Variants in HIVEP1 observed in about 807,000 individuals in gnomAD.
HIVEP1 encodes zinc finger protein 40.
Under a neutral mutation model 180.0 loss-of-function variants are expected in HIVEP1, and 36 were observed. That is an observed-to-expected ratio of 0.20 (90% CI 0.15 to 0.26). The LOEUF (loss-of-function observed/expected upper bound fraction) is 0.26, where lower values mean the gene tolerates loss of function less well. HIVEP1 is among the 10% of genes least tolerant of loss of function. The pLI, the probability that HIVEP1 is intolerant of heterozygous loss-of-function variation, is 1.00. For missense variants in HIVEP1, 3,143 were observed against 3,268.7 expected, an observed-to-expected ratio of 0.96 and a Z score of 0.94; for synonymous variants, 1,239 against 1,239.0, an observed-to-expected ratio of 1.00 and a Z score of 0.00.
intron 3 of HIVEP1, among the ~76,000 whole-genome samples, chr6:12,089,452 T>G (rs1396230504): frequency 6.6e-6 from 1 of 152,142 alleles, no homozygotes; most frequent in Non-Finnish European, 1.5e-5. Flanking sequence ...CATATTAATG[T>G]ATGACTGGTA....
intron 3 of HIVEP1, among the ~76,000 whole-genome samples, chr6:12,107,028 C>T (rs545892336): frequency 6.6e-6 from 1 of 152,294 alleles, no homozygotes; most frequent in East Asian, 1.9e-4. Flanking sequence ...GTTCAGGGAA[C>T]ATACTTTCTA....
chr6:12,118,138 TTTG>T (rs1775333958), intron 3 of HIVEP1, among the ~76,000 whole-genome samples: 1 of 19,162 alleles, frequency 5.2e-5, no homozygotes, highest in African/African-American at 6.3e-5. Context: ...GAGACCCCCT[TTTG>T]TTTTTTTTTT....
chr6:12,167,894 G>A (rs966680173), downstream of HIVEP1, among the ~76,000 whole-genome samples: 9 of 137,170 alleles, frequency 6.6e-5, no homozygotes, highest in African/African-American at 1.9e-4. Flanking sequence ...ATAGATGTGC[G>A]TATATAATAT....
At chr6:12,204,190 A>T in the HIVEP1 span, among the ~76,000 whole-genome samples, 2 of 152,332 alleles carry the variant, frequency 1.3e-5, no homozygotes, top group East Asian at 3.9e-4. Context: ...CCATGCAGAC[A>T]GTCAGATGGA....
At chr6:12,010,309 A>C (rs566631158), upstream of HIVEP1, among the ~76,000 whole-genome samples, 33 of 152,198 alleles carry the variant, frequency 2.2e-4, no homozygotes, top group African/African-American at 8.0e-4. Context: ...TAGTAGGCAT[A>C]TTTCTCCCTT....
intron 2 of HIVEP1, among the ~76,000 whole-genome samples, chr6:12,074,643 T>TGTATGTGTGTGTGTATATGTGTGTGC (rs573970756): frequency 6.8e-6 from 1 of 148,032 alleles, no homozygotes; most frequent in Non-Finnish European, 1.5e-5. Context: ...TGTGTGTGTG[T>TGTATGTGTGTGTGTATATGTGTGTGC]GCGCGCGCGT....
At chr6:12,111,882 G>T (rs1442398688) in intron 3 of HIVEP1, among the ~76,000 whole-genome samples, 2 of 152,194 alleles carry the variant, frequency 1.3e-5, no homozygotes, top group Non-Finnish European at 2.9e-5. Flanking sequence ...AGGTTGGGGT[G>T]TGGCCATTTT....
At chr6:12,077,131 C>T (rs1216085997) in intron 2 of HIVEP1, among the ~76,000 whole-genome samples, 24 of 152,118 alleles carry the variant, frequency 1.6e-4, no homozygotes, top group Non-Finnish European at 4.4e-5. Flanking sequence ...GAACCCGAGT[C>T]ATATGCAGTG....
intron 2 of HIVEP1, among the ~76,000 whole-genome samples, chr6:12,016,237 T>A (rs1334366451): frequency 6.6e-6 from 1 of 152,230 alleles, no homozygotes; most frequent in African/African-American, 2.4e-5. Context: ...CAGAAAAGTG[T>A]GTGTTTTCCA....
rs1757974428 is a variant in HIVEP1, at chr6:12,125,073, A to G, written c.5278A>G (p.Lys1760Glu). The G allele has an allele frequency of 6.2e-7, 1 of 1,613,860 alleles. No homozygotes were observed. Among genetic ancestry groups the G allele is most frequent in the Non-Finnish European group, 8.5e-7 (1 of 1,179,996 alleles). The change falls in exon 4 of 9, where the codon AAG (lysine) becomes GAG (glutamate). Residue 1760 changes from lysine (K) to glutamate (E), a missense_variant. Lys to Glu is a moderately conservative substitution (Grantham distance 56). Around this residue, in one of 12 missense-constraint regions of HIVEP1, gnomAD observed 1,357 missense variants for 1,260.5 expected, o/e 1.08. Coordinates refer to ENST00000379388, the MANE Select transcript of HIVEP1 (RefSeq NM_002114.4). ...PANSLDIAME[K>E]HQKRAKDENG... ...AAATAGTTTAGACATTGCCATGGAA[A>G]AGCACCAGAAGCGGGCCAAAGATGA...
chr6:12,016,252 C>T (rs1767736977), intron 2 of HIVEP1, among the ~76,000 whole-genome samples: 1 of 152,166 alleles, frequency 6.6e-6, no homozygotes, highest in Non-Finnish European at 1.5e-5. Flanking sequence ...TTTCCATCAA[C>T]CGCGAATACT....
chr6:12,097,701 G>A (rs1297247658), intron 3 of HIVEP1, among the ~76,000 whole-genome samples: 1 of 151,988 alleles, frequency 6.6e-6, no homozygotes, highest in Admixed American at 6.6e-5. Flanking sequence ...TCAATATTTT[G>A]AGAAATTTGA....
the HIVEP1 span, among the ~76,000 whole-genome samples, chr6:12,195,009 A>G: frequency 6.6e-6 from 1 of 152,226 alleles, no homozygotes; most frequent in Non-Finnish European, 1.5e-5. Context: ...GTCCTCTATA[A>G]AGAGGAATGA....
intron 2 of HIVEP1, among the ~76,000 whole-genome samples, chr6:12,069,578 G>A (rs990443067): frequency 8.2e-6 from 1 of 122,048 alleles, no homozygotes; most frequent in Admixed American, 9.6e-5. Flanking sequence ...GTTCTGGGGT[G>A]GGGGGAGGGG....
intron 2 of HIVEP1, among the ~76,000 whole-genome samples, chr6:12,049,961 G>A (rs190079682): frequency 1.0e-3 from 156 of 152,196 alleles, no homozygotes; most frequent in African/African-American, 3.7e-3. Context: ...TCACTTTCTG[G>A]GGTGTTGCTG....
chr6:12,107,617 G>A (rs1165062230), intron 3 of HIVEP1, among the ~76,000 whole-genome samples: 1 of 152,184 alleles, frequency 6.6e-6, no homozygotes, highest in Non-Finnish European at 1.5e-5. Flanking sequence ...CTTCTGGTGG[G>A]TTCGTGGTCT....
rs746771188 is a variant in HIVEP1 at position 12,122,785 on chromosome 6, C to G, written c.2990C>G (p.Pro997Arg). ...GPKTKVAMRE[P>R]EHSPVPGGLQ... ...AAAACAAAGGTAGCCATGAGAGAAC[C>G]TGAGCACAGCCCTGTGCCCGGCGGT... The change falls in exon 4 of 9, where the codon CCT becomes CGT. Residue 997 changes from proline (P) to arginine (R), a missense_variant. Coordinates refer to ENST00000379388, the MANE Select transcript of HIVEP1 (RefSeq NM_002114.4). The G allele has an allele frequency of 5.3e-5, 85 of 1,612,658 alleles. No individual in the cohort carries two copies. Among genetic ancestry groups the G allele is most frequent in the Middle Eastern group, 1.6e-4 (1 of 6,064 alleles).
intron 2 of HIVEP1, among the ~76,000 whole-genome samples, chr6:12,074,271 G>A (rs755548357): frequency 6.6e-6 from 1 of 152,064 alleles, no homozygotes; most frequent in African/African-American, 2.4e-5. Flanking sequence ...TTTCTTTCCT[G>A]TCTACTCTCT....
At chr6:12,133,940 T>C (rs1320309392) in intron 6 of HIVEP1, among the ~76,000 whole-genome samples, 1 of 150,296 alleles carries the variant, frequency 6.7e-6, no homozygotes. Context: ...ATCTCGCCAC[T>C]GCACTCCAGC....
Sources: gnomAD v4.1 joint callset for allele counts (sites outside exome capture counted in the v4.1 genomes callset) on GRCh38, gnomAD v4.1.1 for gene constraint, gnomAD v4.1.1 regional missense constraint, MANE v1.5 for transcripts, NCBI Gene and HGNC (gene_info 2026-07-23, HGNC 2026-07-21) for gene names.